The following ANXA3 variants were observed in gnomAD, a reference collection of about 807,000 sequenced individuals.
ANXA3 encodes the protein 35-alpha calcimedin.
ANXA3 carries 46 observed loss-of-function variants against 48.8 expected under a neutral mutation model. The ratio of observed to expected loss-of-function variants is 0.94; its 90% CI spans 0.74 to 1.21. The LOEUF (loss-of-function observed/expected upper bound fraction) is 1.21, where lower values mean the gene tolerates loss of function less well. Among genes scored for constraint, ANXA3 ranks in the 50% most tolerant of loss-of-function variants. ANXA3 has a pLI of 0.00. For synonymous variants in ANXA3, 128 were observed against 134.7 expected, an observed-to-expected ratio of 0.95 and a Z score of 0.35; for missense variants, 383 against 378.6, an observed-to-expected ratio of 1.01 and a Z score of -0.10.
intron 6 of ANXA3, among the ~76,000 whole-genome samples, chr4:78,590,253 G>A (rs902568257): frequency 1.3e-5 from 2 of 152,034 alleles, no homozygotes; most frequent in East Asian, 3.8e-4. Flanking sequence ...ACAACCATTA[G>A]GTTTAATGAT....
At chr4:78,575,658 T>C (rs1722933949) in intron 3 of ANXA3, among the ~76,000 whole-genome samples, 2 of 152,232 alleles carry the variant, frequency 1.3e-5, no homozygotes, top group South Asian at 2.1e-4. Context: ...GGCTAGGGTA[T>C]GTCTTTATCA....
At position 78,591,600 on chromosome 4, in the gene ANXA3, A is replaced by G; in HGVS notation, c.460A>G (p.Lys154Glu). ...ISSETSGDFR[K>E]ALLTLADGRR... ...TTCCGAAACATCTGGTGACTTCCGGAAAGCTCTGTTGACTTTGGCAGATGT... is the reference window on the plus strand; with the variant it reads ...TTCCGAAACATCTGGTGACTTCCGGGAAGCTCTGTTGACTTTGGCAGATGT... The change falls in exon 7 of 13, where the codon AAA (lysine) becomes GAA (glutamate). Residue 154 changes from lysine (K) to glutamate (E), a missense_variant. By Grantham distance (56) the Lys-to-Glu change is moderately conservative. Transcript: ENST00000264908. The G allele has an allele frequency of 6.2e-7, 1 of 1,613,718 alleles. No individual in the cohort carries two copies. The highest frequency in any genetic ancestry group is 1.1e-5 in the South Asian group (1 of 91,060).
At chr4:78,607,285 T>G (rs574140045) in intron 12 of ANXA3, among the ~76,000 whole-genome samples, 29 of 152,358 alleles carry the variant, frequency 1.9e-4, no homozygotes, top group African/African-American at 6.3e-4. Context: ...TTTTTGCTAT[T>G]GAAGAACAGG....
chr4:78,605,094 C>T (rs1723620566), intron 12 of ANXA3, among the ~76,000 whole-genome samples: 1 of 152,206 alleles, frequency 6.6e-6, no homozygotes, highest in African/African-American at 2.4e-5. Context: ...TTCTCCATAG[C>T]TTTGGCACAG....
chr4:78,556,951 G>A (rs1049621646), intron 2 of ANXA3, among the ~76,000 whole-genome samples: 1 of 152,146 alleles, frequency 6.6e-6, no homozygotes, highest in Non-Finnish European at 1.5e-5. Flanking sequence ...CATAAATTTA[G>A]CAATTTAAAA....
chr4:78,574,626 C>T (rs374382940), intron 3 of ANXA3, among the ~76,000 whole-genome samples: 2 of 152,134 alleles, frequency 1.3e-5, no homozygotes, highest in African/African-American at 2.4e-5. Context: ...TGTATACATT[C>T]TTCTGCAATA....
intron 7 of ANXA3, 127 bp from the exon 8 acceptor site, chr4:78,595,254 C>T: frequency 1.0e-6 from 1 of 987,886 alleles, no homozygotes; most frequent in Non-Finnish European, 1.6e-6. Flanking sequence ...GCCCTGAGTA[C>T]ATGATTTTTC....
At chr4:78,562,612 T>C (rs1433630376) in intron 2 of ANXA3, among the ~76,000 whole-genome samples, 1 of 152,226 alleles carries the variant, frequency 6.6e-6, no homozygotes, top group East Asian at 1.9e-4. Context: ...TAACTATCTT[T>C]TATATGCCAG....
At chr4:78,589,324 A>G (rs17003372) in intron 6 of ANXA3, among the ~76,000 whole-genome samples, 6,378 of 152,288 alleles carry the variant, frequency 0.042, 465 homozygotes, top group African/African-American at 0.14. Context: ...GAGGCTACAA[A>G]GGATACAACT....
chr4:78,567,599 A>G (rs1230335153), intron 2 of ANXA3, among the ~76,000 whole-genome samples: 1 of 152,222 alleles, frequency 6.6e-6, no homozygotes, highest in African/African-American at 2.4e-5. Context: ...AATTTTTTGT[A>G]ACAAGACAAT....
At chr4:78,608,884 A>C (rs2109829291) in intron 12 of ANXA3, among the ~76,000 whole-genome samples, 1 of 152,218 alleles carries the variant, frequency 6.6e-6, no homozygotes, top group African/African-American at 2.4e-5. Flanking sequence ...ACTTGGATGT[A>C]TTTTCTTGAC....
intron 2 of ANXA3, among the ~76,000 whole-genome samples, chr4:78,555,727 C>T (rs1237864947): frequency 2.0e-5 from 3 of 151,178 alleles, no homozygotes; most frequent in African/African-American, 7.3e-5. Flanking sequence ...GGGGTGTACC[C>T]ATGGTCCTAG....
intron 2 of ANXA3, among the ~76,000 whole-genome samples, chr4:78,564,553 G>A (rs1344102425): frequency 2.0e-5 from 3 of 152,216 alleles, no homozygotes; most frequent in Non-Finnish European, 4.4e-5. Context: ...TGAAACAAAT[G>A]TCTCTGCCTT....
intron 2 of ANXA3, among the ~76,000 whole-genome samples, chr4:78,566,631 A>G (rs1207981470): frequency 6.8e-6 from 1 of 147,274 alleles, no homozygotes; most frequent in African/African-American, 2.5e-5. Flanking sequence ...ATTGATATAG[A>G]GAACGGAATA....
chr4:78,609,974 C>T (rs779401374), intron 12 of ANXA3, 82 bp from the exon 13 acceptor site: 2 of 1,043,838 alleles, frequency 1.9e-6, no homozygotes, highest in Non-Finnish European at 2.9e-6. Context: ...AGGTGAATTC[C>T]CTAGTGCTAT....
intron 2 of ANXA3, among the ~76,000 whole-genome samples, chr4:78,567,819 C>T (rs1478310837): frequency 6.6e-6 from 1 of 152,214 alleles, no homozygotes; most frequent in Non-Finnish European, 1.5e-5. Flanking sequence ...CTTTTGTCTT[C>T]ATAAATCTTT....
chr4:78,590,712 G>A (rs951011290), intron 6 of ANXA3, among the ~76,000 whole-genome samples: 1 of 152,028 alleles, frequency 6.6e-6, no homozygotes. Context: ...AAAGGGAAAT[G>A]GCATGTTTTG....
rs1396511353 is a variant in ANXA3 at position 78,578,205 on chromosome 4, C to T, written c.104-822C>T. On this transcript the variant is annotated intron_variant, in intron 3 of 12. Coordinates refer to ENST00000264908, the MANE Select transcript of ANXA3 (RefSeq NM_005139.3). ...CTGAGGCAGGAGAATCGCTTGAACC[C>T]GGGAGGTGGTGGTTGCAGTGAGCCG... Among the ~76,000 whole-genome samples the T allele has an allele frequency of 2.6e-5, 4 of 150,962 alleles. No individual in the cohort carries two copies. The South Asian group carries it at 6.3e-4, about 24-fold the overall frequency.
chr4:78,602,239 C>CAAAAAAAA (rs60958659), intron 11 of ANXA3: 1 of 64,740 alleles, frequency 1.5e-5, no homozygotes. Context: ...GACTCTGTCT[C>CAAAAAAAA]AAAAAAAAAA....
Sources: gnomAD v4.1 joint callset for allele counts (sites outside exome capture counted in the v4.1 genomes callset) on GRCh38, gnomAD v4.1.1 for gene constraint, MANE v1.5 for transcripts, NCBI Gene and HGNC (gene_info 2026-07-23, HGNC 2026-07-21) for gene names.